Variants in ENAH observed in about 807,000 individuals in gnomAD.
ENAH encodes the protein protein enabled homolog.
Under a neutral mutation model 78.7 loss-of-function variants are expected in ENAH, and 23 were observed. That is an observed-to-expected ratio of 0.29 (90% confidence interval 0.21 to 0.41). The LOEUF is 0.41. ENAH is among the 10% of genes least tolerant of loss of function. ENAH has a pLI of 1.00. For missense variants in ENAH, 544 were observed against 691.0 expected (o/e 0.79, Z 2.39); for synonymous variants, 226 against 241.0 (o/e 0.94, Z 0.58).
intron 3 of ENAH, among the ~76,000 whole-genome samples, chr1:225,551,588 A>T (rs2096640880): frequency 1.3e-5 from 2 of 152,206 alleles, no homozygotes. Context: ...GAGAAGCTCC[A>T]TATTTTCTGT....
chr1:225,526,781 T>C (rs1338145825), intron 4 of ENAH, among the ~76,000 whole-genome samples: 2 of 152,216 alleles, frequency 1.3e-5, no homozygotes, highest in Non-Finnish European at 2.9e-5. Context: ...TCTGAAGCTA[T>C]TGCAGTATAT....
intron 1 of ENAH, among the ~76,000 whole-genome samples, chr1:225,615,192 G>C (rs1318950899): frequency 1.3e-5 from 2 of 152,134 alleles, no homozygotes; most frequent in Admixed American, 1.3e-4. Context: ...GCAGGCGCGC[G>C]CCGCCACGCC....
intron 4 of ENAH, chr1:225,524,779 A>AAT: frequency 1.0e-5 from 5 of 490,988 alleles, no homozygotes; most frequent in South Asian, 8.8e-5. Flanking sequence ...TAACTATATT[A>AAT]AGGTTCTATG....
chr1:225,517,641 AGT>A, intron 5 of ENAH: 1 of 1,550,844 alleles, frequency 6.4e-7, no homozygotes. Flanking sequence ...AAAAATTGGA[AGT>A]AGACCAGGCA....
chr1:225,569,123 C>G (rs2151522407), intron 1 of ENAH, among the ~76,000 whole-genome samples: 1 of 152,296 alleles, frequency 6.6e-6, no homozygotes, highest in South Asian at 2.1e-4. Flanking sequence ...ATTTACATAA[C>G]CCTATGGAAA....
Position 225,519,567 on chromosome 1 carries a change from TGG to T in ENAH, c.435-4_435-3del. 1.3e-6 allele frequency: 2 copies of T among 1,556,772 alleles called. No individual in the cohort carries two copies. The highest frequency in any genetic ancestry group is 2.0e-5 in the Admixed American group (1 of 48,966). ...TGCCGTTGCTGTTCTTGTAGTTGTC[TGG>T]AAAAAAAAAAAAAAAAGTAAAAACA... On this transcript the variant is annotated splice_region_variant and splice_polypyrimidine_tract_variant and intron_variant, in intron 4 of 13. Transcript: ENST00000366843.
chr1:225,577,246 G>A (rs576717089), intron 1 of ENAH, among the ~76,000 whole-genome samples: 3 of 152,206 alleles, frequency 2.0e-5, no homozygotes, highest in African/African-American at 7.2e-5. Flanking sequence ...ACTATCACCA[G>A]TAGACCAAAT....
chr1:225,610,219 T>A (rs2148115460), intron 1 of ENAH, among the ~76,000 whole-genome samples: 1 of 152,072 alleles, frequency 6.6e-6, no homozygotes, highest in East Asian at 1.9e-4. Context: ...CTAACGTGAT[T>A]TTCTCTCAAG....
intron 1 of ENAH, among the ~76,000 whole-genome samples, chr1:225,615,024 A>G (rs1237173099): frequency 5.5e-5 from 8 of 144,388 alleles, no homozygotes; most frequent in Non-Finnish European, 3.0e-5. Context: ...TCTCCCTCTG[A>G]TGCCCTCTCC....
intron 4 of ENAH, among the ~76,000 whole-genome samples, chr1:225,523,150 A>C (rs76445551): frequency 1.3e-5 from 2 of 152,034 alleles, no homozygotes; most frequent in Non-Finnish European, 2.9e-5. Context: ...TAACATGATA[A>C]TGTAAATACT....
intron 1 of ENAH, among the ~76,000 whole-genome samples, chr1:225,589,456 G>A (rs774205035): frequency 4.6e-5 from 7 of 152,028 alleles, no homozygotes; most frequent in Admixed American, 1.3e-4. Context: ...AGTATCCTCG[G>A]AGGAACTGGC....
intron 2 of ENAH, among the ~76,000 whole-genome samples, chr1:225,564,955 T>G (rs2096727493): frequency 6.6e-6 from 1 of 152,030 alleles, no homozygotes; most frequent in East Asian, 1.9e-4. Context: ...GTCTCAGTGT[T>G]TTCTTATTTT....
chr1:225,580,704 G>A (rs2096811903), intron 1 of ENAH, among the ~76,000 whole-genome samples: 1 of 152,002 alleles, frequency 6.6e-6, no homozygotes, highest in East Asian at 1.9e-4. Flanking sequence ...GATCATTTGA[G>A]ATCAGGACTT....
At chr1:225,583,339 G>A (rs1198078002) in intron 1 of ENAH, among the ~76,000 whole-genome samples, 1 of 151,284 alleles carries the variant, frequency 6.6e-6, no homozygotes, top group Non-Finnish European at 1.5e-5. Context: ...AGGAGGCTGA[G>A]GTGGGAGAAT....
rs143656261 is a variant in ENAH at position 225,598,492 on chromosome 1, T to A, written c.6-31078A>T. Among the ~76,000 whole-genome samples the A allele has an allele frequency of 8.7e-4, 132 of 151,974 alleles. 2 individuals are homozygous for A. In the East Asian group the frequency reaches 0.023, roughly 26 times the overall value. ...GGAGACCTCACCCAAGAACACAGAA[T>A]GAAATAAAGTACCTATCTTATTAAA... On this transcript the variant is annotated intron_variant, in intron 1 of 13. Transcript: ENST00000366843.
chr1:225,531,799 A>G (rs1171499287), intron 3 of ENAH, among the ~76,000 whole-genome samples: 2 of 152,124 alleles, frequency 1.3e-5, no homozygotes, highest in Non-Finnish European at 2.9e-5. Flanking sequence ...TTAGGATGTA[A>G]TGCAGTACTG....
At chr1:225,549,155 G>A (rs1181922636) in intron 3 of ENAH, among the ~76,000 whole-genome samples, 1 of 152,082 alleles carries the variant, frequency 6.6e-6, no homozygotes, top group East Asian at 1.9e-4. Context: ...TGGCCAAACA[G>A]ATAGGTTTTA....
chr1:225,618,434 T>C (rs1656201909), intron 1 of ENAH, among the ~76,000 whole-genome samples: 1 of 152,182 alleles, frequency 6.6e-6, no homozygotes, highest in African/African-American at 2.4e-5. Context: ...AATCATCTAG[T>C]GGCCAATTTG....
intron 1 of ENAH, among the ~76,000 whole-genome samples, chr1:225,634,529 G>A (rs1659713459): frequency 1.3e-5 from 2 of 152,184 alleles, no homozygotes; most frequent in South Asian, 4.1e-4. Flanking sequence ...CCCTGTAACA[G>A]GGAATTATCT....
Sources: allele counts gnomAD v4.1 joint callset (sites outside exome capture counted in the v4.1 genomes callset), GRCh38; gene constraint gnomAD v4.1.1; transcripts MANE v1.5; gene names NCBI Gene and HGNC (gene_info 2026-07-23, HGNC 2026-07-21).